The following WDR70 variants were observed in gnomAD, a reference collection of about 807,000 sequenced individuals.
The protein encoded by WDR70 is WD repeat-containing protein 70.
Under a neutral mutation model 88.6 loss-of-function variants are expected in WDR70, and 53 were observed. The ratio of observed to expected loss-of-function variants is 0.60; its 90% CI spans 0.48 to 0.75. WDR70 has a LOEUF of 0.75. Ranked by LOEUF, WDR70 falls within the 30% of genes least tolerant of loss-of-function variation. The probability of loss-of-function intolerance (pLI) is 0.00; values close to 1 mark genes in which losing one functional copy is unlikely to be tolerated. For synonymous variants in WDR70, 280 were observed against 270.0 expected (o/e 1.04, Z -0.36); for missense variants, 610 against 823.2 (o/e 0.74, Z 3.17).
chr5:37,628,123 T>C (rs972117107), intron 10 of WDR70, among the ~76,000 whole-genome samples: 4 of 152,186 alleles, frequency 2.6e-5, no homozygotes, highest in African/African-American at 9.6e-5. Context: ...AGAGTTTCAC[T>C]ACATTGCCCA....
chr5:37,476,756 T>C (rs1483117391), intron 7 of WDR70, among the ~76,000 whole-genome samples: 1 of 152,210 alleles, frequency 6.6e-6, no homozygotes, highest in Non-Finnish European at 1.5e-5. Context: ...TTCACCATGT[T>C]AGCCAGGATG....
intron 8 of WDR70, among the ~76,000 whole-genome samples, chr5:37,513,880 C>A (rs10941341): frequency 0.4 from 61,016 of 151,884 alleles, 14,869 homozygotes; most frequent in Non-Finnish European, 0.54. Flanking sequence ...TTGGCAACAC[C>A]CCCACAGACA....
chr5:37,516,713 A>G, intron 9 of WDR70, 123 bp downstream of exon 9: 1 of 71,592 alleles, frequency 1.4e-5, no homozygotes, highest in Non-Finnish European at 2.3e-5. Context: ...TATTATATAC[A>G]TATATATATA....
chr5:37,559,324 C>T (rs955799105), intron 9 of WDR70, among the ~76,000 whole-genome samples: 4 of 152,076 alleles, frequency 2.6e-5, no homozygotes, highest in Non-Finnish European at 5.9e-5. Context: ...TTTATCATAT[C>T]GAATTTATTC....
At chr5:37,741,236 C>CTTTTT (rs5867363) in intron 17 of WDR70, among the ~76,000 whole-genome samples, 1 of 138,468 alleles carries the variant, frequency 7.2e-6, no homozygotes, top group African/African-American at 2.7e-5. Flanking sequence ...GAGCCTAGTT[C>CTTTTT]TTTTTTTTTT....
chr5:37,505,829 T>C (rs1159841055), intron 8 of WDR70: 1 of 1,379,470 alleles, frequency 7.2e-7, no homozygotes, highest in East Asian at 2.3e-5. Context: ...CTGCCAGAGT[T>C]GCTCCTCTGA....
chr5:37,555,447 C>T lies in WDR70; in HGVS notation c.917+38857C>T, dbSNP rs567719786. ...TTTTTTCTGGTGCCCTTTGTATTTCCTTATATCTAAAAGCAGTATAACAAC... is the reference window on the plus strand; with the variant it reads ...TTTTTTCTGGTGCCCTTTGTATTTCTTTATATCTAAAAGCAGTATAACAAC... On this transcript the variant is annotated intron_variant, in intron 9 of 17. Coordinates refer to ENST00000265107, the MANE Select transcript of WDR70 (RefSeq NM_018034.4). Among the ~76,000 whole-genome samples, 476 of 152,096 alleles carry T rather than the reference C, an allele frequency of 3.1e-3. 1 individual carries two copies. Among genetic ancestry groups the T allele is most frequent in the African/African-American group, 0.011 (448 of 41,494 alleles).
intron 10 of WDR70, among the ~76,000 whole-genome samples, chr5:37,617,267 C>G (rs1301646976): frequency 6.6e-6 from 1 of 152,170 alleles, no homozygotes; most frequent in Non-Finnish European, 1.5e-5. Flanking sequence ...CTAGAATATG[C>G]ACTCCAAAAT....
chr5:37,667,243 A>C (rs979047299), intron 10 of WDR70, among the ~76,000 whole-genome samples: 3 of 152,228 alleles, frequency 2.0e-5, no homozygotes, highest in African/African-American at 7.2e-5. Context: ...TGGGGATACA[A>C]GGAGGTGTCA....
At chr5:37,502,552 T>C (rs1333211842) in intron 8 of WDR70, among the ~76,000 whole-genome samples, 1 of 152,206 alleles carries the variant, frequency 6.6e-6, no homozygotes, top group African/African-American at 2.4e-5. Context: ...GGTAATCATA[T>C]GGTTTTTGTT....
intron 8 of WDR70, 140 bp from the exon 9 acceptor site, chr5:37,516,374 A>T (rs965250809): frequency 4.1e-6 from 2 of 492,744 alleles, no homozygotes; most frequent in Non-Finnish European, 7.3e-6. Context: ...GGGATAAAAT[A>T]ATATAGGTTT....
chr5:37,514,356 A>ATATATATGTATGTATG (rs771375976), intron 8 of WDR70, among the ~76,000 whole-genome samples: 2 of 54,378 alleles, frequency 3.7e-5, no homozygotes, highest in African/African-American at 7.8e-5. Context: ...ATATATATAT[A>ATATATATGTATGTATG]TATGTATGTA....
chr5:37,696,582 T>C (rs1472080318), intron 10 of WDR70, among the ~76,000 whole-genome samples: 1 of 152,242 alleles, frequency 6.6e-6, no homozygotes, highest in Non-Finnish European at 1.5e-5. Context: ...TCTTTCGCTA[T>C]GGAATTACCC....
intron 17 of WDR70, among the ~76,000 whole-genome samples, chr5:37,739,282 C>G (rs968692996): frequency 6.6e-6 from 1 of 152,206 alleles, no homozygotes; most frequent in African/African-American, 2.4e-5. Flanking sequence ...CCCCATTAAC[C>G]TGTTGTACAC....
At chr5:37,463,548 C>T (rs1245884280) in intron 7 of WDR70, among the ~76,000 whole-genome samples, 2 of 152,206 alleles carry the variant, frequency 1.3e-5, no homozygotes, top group Non-Finnish European at 2.9e-5. Context: ...TCCACTTCTA[C>T]TCATATACTC....
chr5:37,559,751 A>C (rs1374974434), intron 9 of WDR70, among the ~76,000 whole-genome samples: 1 of 152,040 alleles, frequency 6.6e-6, no homozygotes, highest in Non-Finnish European at 1.5e-5. Flanking sequence ...AGGCTGAGGA[A>C]AGAGAATCAC....
At chr5:37,550,185 A>C (rs1264716764) in intron 9 of WDR70, among the ~76,000 whole-genome samples, 1 of 152,138 alleles carries the variant, frequency 6.6e-6, no homozygotes, top group Non-Finnish European at 1.5e-5. Flanking sequence ...AATTTTAGCA[A>C]ATTGATGGTT....
intron 9 of WDR70, among the ~76,000 whole-genome samples, chr5:37,603,174 A>G (rs1413140695): frequency 6.6e-6 from 1 of 152,098 alleles, no homozygotes; most frequent in Non-Finnish European, 1.5e-5. Flanking sequence ...GAAACCACGA[A>G]AGATCCCAAA....
intron 8 of WDR70, among the ~76,000 whole-genome samples, chr5:37,504,144 G>T (rs558087035): frequency 2.0e-4 from 31 of 152,032 alleles, no homozygotes; most frequent in Non-Finnish European, 4.4e-4. Context: ...TTTGTCATAT[G>T]ATTGATTAGT....
Sources: allele counts gnomAD v4.1 joint callset (sites outside exome capture counted in the v4.1 genomes callset), GRCh38; gene constraint gnomAD v4.1.1; transcripts MANE v1.5; gene names NCBI Gene and HGNC (gene_info 2026-07-23, HGNC 2026-07-21).